MMRN1: variants seen among roughly 807,000 people sequenced by gnomAD.
MMRN1 encodes the protein multimerin 1.
Under a neutral mutation model 100.7 loss-of-function variants are expected in MMRN1, and 94 were observed. The observed-to-expected ratio is 0.93, with a 90% CI of 0.79 to 1.11. The LOEUF is 1.11. MMRN1 is among the 50% of genes least tolerant of loss of function. MMRN1 has a pLI of 0.00. For missense variants in MMRN1, 1,606 were observed against 1,439.1 expected (o/e 1.12, Z -1.88); for synonymous variants, 575 against 505.0 (o/e 1.14, Z -1.86).
chr4:89,914,363 T>C (rs1721848211), intron 3 of MMRN1, among the ~76,000 whole-genome samples: 1 of 151,452 alleles, frequency 6.6e-6, no homozygotes, highest in South Asian at 2.1e-4. Flanking sequence ...TCAGAATACA[T>C]GGCGATTCTC....
rs554617073 is a variant in MMRN1, at chr4:89,947,517, A to G, written c.3119-4088A>G. Among the ~76,000 whole-genome samples the G allele has an allele frequency of 5.9e-5, 9 of 152,332 alleles. No individual in the cohort carries two copies. In the South Asian group the frequency reaches 1.9e-3, roughly 32 times the overall value. ...AAGGTTGATATGAAGTTTAAGTCAT[A>G]GAGAACATGATCCCTGACCTCATGA... On this transcript the variant is annotated intron_variant, in intron 6 of 7. Coordinates refer to ENST00000264790, the MANE Select transcript of MMRN1 (RefSeq NM_007351.3).
rs1721172688 is a variant in MMRN1 at position 89,895,501 on chromosome 4, G to A, written c.530G>A (p.Arg177Gln). ...GVGGTGGVGN[R>Q]APRETYLSRG... Reference sequence around the variant, plus strand: ...GGAGGCACTGGAGGCGTGGGAAATCGAGCCCCACGGGAAACATACCTCAGC... The same window carrying A: ...GGAGGCACTGGAGGCGTGGGAAATCAAGCCCCACGGGAAACATACCTCAGC... The change falls in exon 1 of 8, where the codon CGA becomes CAA. Residue 177 changes from arginine to glutamine, a missense_variant. Physicochemically the swap from Arg to Gln is conservative, Grantham distance 43 (BLOSUM62 1). Transcript: ENST00000264790. 8 of 1,613,766 alleles carry A rather than the reference G, an allele frequency of 5.0e-6. No individual in the cohort carries two copies. Among genetic ancestry groups the A allele is most frequent in the South Asian group, 2.2e-5 (2 of 91,074 alleles).
At chr4:89,923,093 T>C in intron 3 of MMRN1, 75 bp from the exon 4 acceptor site, 2 of 1,186,798 alleles carry the variant, frequency 1.7e-6, no homozygotes, top group African/African-American at 3.0e-5. Flanking sequence ...GTCAGCCAAA[T>C]TATTGTTCAG....
chr4:89,929,533 T>C (rs1301063938), intron 5 of MMRN1, among the ~76,000 whole-genome samples: 2 of 152,124 alleles, frequency 1.3e-5, no homozygotes, highest in Non-Finnish European at 2.9e-5. Context: ...TAATTGACTA[T>C]AACCATCTGA....
chr4:89,894,914 G>A lies in MMRN1; in HGVS notation c.-58G>A. 1 of 1,550,208 alleles carries A rather than the reference G, an allele frequency of 6.5e-7. No individual in the cohort carries two copies. Among genetic ancestry groups the A allele is most frequent in the East Asian group, 2.3e-5 (1 of 44,272 alleles). ...TCAGTGTGGAAGCAGCTATCAAAAA[G>A]GCCATAAGGATTTTGTCCCCAAATT... On this transcript the variant is annotated 5_prime_UTR_variant, in exon 1 of 8. Coordinates refer to ENST00000264790, the MANE Select transcript of MMRN1 (RefSeq NM_007351.3).
intron 3 of MMRN1, among the ~76,000 whole-genome samples, chr4:89,919,498 G>GA (rs1289139722): frequency 6.6e-6 from 1 of 151,526 alleles, no homozygotes; most frequent in East Asian, 1.9e-4. Flanking sequence ...TACCTAGCAA[G>GA]AAAAAATAAT....
chr4:89,936,366 C>T lies in MMRN1; in HGVS notation c.2686C>T (p.Leu896=), dbSNP rs1407673743. 3.1e-6 allele frequency: 5 copies of T among 1,610,650 alleles called. No homozygotes were observed. Among genetic ancestry groups the T allele is most frequent in the Non-Finnish European group, 4.2e-6 (5 of 1,179,024 alleles). The part of the protein sequence containing the change: ...VTNERDQALQ[L]QVLNSRFKAL... ...AAATGAGAGAGATCAGGCTCTTCAA[C>T]TGCAAGTATTAAATTCCAGATTTAA... The change falls in exon 6 of 8, where the codon CTG becomes TTG. Residue 896 remains leucine, a synonymous_variant. Coordinates refer to ENST00000264790, the MANE Select transcript of MMRN1 (RefSeq NM_007351.3).
At chr4:89,889,988 C>G (rs1374721419), upstream of MMRN1, among the ~76,000 whole-genome samples, 1 of 152,020 alleles carries the variant, frequency 6.6e-6, no homozygotes, top group East Asian at 1.9e-4. Flanking sequence ...CAGTGAAGAC[C>G]TGCCATGCCT....
chr4:89,925,658 T>A (rs1055085505), intron 4 of MMRN1, among the ~76,000 whole-genome samples: 1 of 151,834 alleles, frequency 6.6e-6, no homozygotes, highest in Non-Finnish European at 1.5e-5. Flanking sequence ...GGTGAAACCC[T>A]GTCTCTACTC....
intron 6 of MMRN1, among the ~76,000 whole-genome samples, chr4:89,944,044 T>C (rs115244245): frequency 0.019 from 2,945 of 152,296 alleles, 37 homozygotes; most frequent in Non-Finnish European, 0.031. Context: ...TGTTATATTT[T>C]ATACTTTTTT....
intron 5 of MMRN1, among the ~76,000 whole-genome samples, chr4:89,929,706 T>A (rs1722377047): frequency 6.6e-6 from 1 of 152,058 alleles, no homozygotes. Flanking sequence ...CCCTCCGCAA[T>A]AGGAGGAATT....
intron 4 of MMRN1, among the ~76,000 whole-genome samples, chr4:89,925,693 G>T (rs1043259120): frequency 1.3e-5 from 2 of 151,856 alleles, no homozygotes; most frequent in Admixed American, 6.6e-5. Flanking sequence ...AGCCACACGT[G>T]GTGGCATGCA....
rs761563074 is a variant in MMRN1, at chr4:89,936,763, G to A, written c.3083G>A (p.Arg1028Gln). 5.6e-6 allele frequency: 9 copies of A among 1,603,676 alleles called. No individual in the cohort carries two copies. The highest frequency in any genetic ancestry group is 1.7e-4 in the Middle Eastern group (1 of 5,994). ...TVNLTTVLIG[R>Q]TQRNTDNIIY... The stretch of plus-strand genomic sequence containing the variant: ...AATCTTACCACAGTCCTGATAGGCC[G>A]GACTCAAAGAAACACGGACAACATA... Residue 1028 changes from arginine to glutamine, a missense_variant, in exon 6 of 8, where the codon CGG becomes CAG. By Grantham distance (43) the Arg-to-Gln change is conservative (BLOSUM62 1). Transcript: ENST00000264790.
Position 89,895,054 on chromosome 4 carries a change from C to G in MMRN1, c.83C>G (p.Thr28Ser). 6.2e-7 allele frequency: 1 copy of G among 1,613,910 alleles called. No homozygotes were observed. Among genetic ancestry groups the G allele is most frequent in the Middle Eastern group, 1.7e-4 (1 of 6,056 alleles). The change falls in exon 1 of 8, where the codon ACT (threonine) becomes AGT (serine). Residue 28 changes from threonine to serine, a missense_variant. Physicochemically the swap from Thr to Ser is moderately conservative, Grantham distance 58. Coordinates refer to ENST00000264790, the MANE Select transcript of MMRN1 (RefSeq NM_007351.3). ...CTTAACAACAGTAAGCATTCTTGGA[C>G]TATACCTGAGGATGGGAACTCTCAG... ...IGLNNSKHSW[T>S]IPEDGNSQKT...
At chr4:89,944,486 C>T (rs1243276598) in intron 6 of MMRN1, among the ~76,000 whole-genome samples, 3 of 152,140 alleles carry the variant, frequency 2.0e-5, no homozygotes, top group Non-Finnish European at 4.4e-5. Context: ...AAATATGAGA[C>T]TTTTAACAGA....
intron 3 of MMRN1, among the ~76,000 whole-genome samples, chr4:89,919,118 G>A (rs181710680): frequency 4.6e-5 from 7 of 151,350 alleles, no homozygotes; most frequent in African/African-American, 1.7e-4. Flanking sequence ...ATTATATTAG[G>A]TAAGTTCTGT....
intron 6 of MMRN1, among the ~76,000 whole-genome samples, chr4:89,949,719 T>A (rs1478640988): frequency 6.6e-6 from 1 of 152,222 alleles, no homozygotes; most frequent in Non-Finnish European, 1.5e-5. Flanking sequence ...ATCAAGATAA[T>A]TCTGATTAAT....
chr4:89,895,248 G>A lies in MMRN1; in HGVS notation c.277G>A (p.Glu93Lys). The change falls in exon 1 of 8, where the codon GAG becomes AAG. Residue 93 changes from glutamate (E) to lysine (K), a missense_variant. Glu to Lys is a moderately conservative substitution (Grantham distance 56, BLOSUM62 1). Coordinates refer to ENST00000264790, the MANE Select transcript of MMRN1 (RefSeq NM_007351.3). ...LPPSETSAPA[E>K]GVRNQTLTST... ...TCCCTCAGAAACAAGTGCACCTGCT[G>A]AGGGTGTGAGAAATCAAACTCTCAC... The A allele has an allele frequency of 6.2e-7, 1 of 1,613,876 alleles. No homozygotes were observed. The highest frequency in any genetic ancestry group is 8.5e-7 in the Non-Finnish European group (1 of 1,179,922).
At chr4:89,895,787 C>G (rs1438160073) in intron 1 of MMRN1, among the ~76,000 whole-genome samples, 193 bp downstream of exon 1, 1 of 151,946 alleles carries the variant, frequency 6.6e-6, no homozygotes, top group African/African-American at 2.4e-5. Flanking sequence ...AAATAAAATG[C>G]AGCAATTTTG....
Sources: gnomAD v4.1 joint callset for allele counts (sites outside exome capture counted in the v4.1 genomes callset) on GRCh38, gnomAD v4.1.1 for gene constraint, MANE v1.5 for transcripts, NCBI Gene and HGNC (gene_info 2026-07-23, HGNC 2026-07-21) for gene names.